Variants in GABRA5 observed in about 807,000 individuals in gnomAD.
The protein encoded by GABRA5 is gamma-aminobutyric acid receptor subunit alpha-5.
Under a neutral mutation model 47.3 loss-of-function variants are expected in GABRA5, and 18 were observed. The observed-to-expected ratio is 0.38, with a 90% CI of 0.26 to 0.56. The LOEUF (loss-of-function observed/expected upper bound fraction) is 0.56, where lower values mean the gene tolerates loss of function less well. Ranked by LOEUF, GABRA5 falls within the 20% of genes least tolerant of loss-of-function variation. The probability of loss-of-function intolerance (pLI) is 0.71; values close to 1 mark genes in which losing one functional copy is unlikely to be tolerated. For missense variants in GABRA5, 365 were observed against 599.3 expected, an observed-to-expected ratio of 0.61 and a Z score of 4.08; for synonymous variants, 237 against 229.3, an observed-to-expected ratio of 1.03 and a Z score of -0.30.
intron 8 of GABRA5, among the ~76,000 whole-genome samples, chr15:26,938,530 G>A (rs1245998357): frequency 3.3e-5 from 5 of 152,112 alleles, no homozygotes; most frequent in Admixed American, 1.3e-4. Flanking sequence ...AAGAACTACC[G>A]CCAAAATAAT....
chr15:26,915,230 C>T (rs1380795042), intron 7 of GABRA5, among the ~76,000 whole-genome samples: 1 of 152,140 alleles, frequency 6.6e-6, no homozygotes, highest in Non-Finnish European at 1.5e-5. Flanking sequence ...TCAAAGGTGA[C>T]CAGTGCCCAG....
chr15:26,939,946 C>G lies in GABRA5; in HGVS notation c.746C>G (p.Ala249Gly). 6.2e-7 allele frequency: 1 copy of G among 1,613,980 alleles called. No homozygotes were observed. The highest frequency in any genetic ancestry group is 8.5e-7 in the Non-Finnish European group (1 of 1,179,890). Reference protein sequence around the residue: ...TSTGEYTIMTAHFHLKRKIGY... With the variant: ...TSTGEYTIMTGHFHLKRKIGY... ...GCAGGCGAATACACAATCATGACAG[C>G]TCACTTCCACCTGAAAAGGAAGATT... Residue 249 changes from alanine (A) to glycine (G), a missense_variant, in exon 9 of 11, where the codon GCT (alanine) becomes GGT (glycine). Ala to Gly is a moderately conservative substitution (Grantham distance 60, BLOSUM62 0). Around this residue, in one of 3 missense-constraint regions of GABRA5, gnomAD observed 216 missense variants for 335.3 expected, o/e 0.64. Coordinates refer to ENST00000335625, the MANE Select transcript of GABRA5 (RefSeq NM_000810.4).
chr15:26,877,687 T>C, intron 3 of GABRA5: 1 of 455,546 alleles, frequency 2.2e-6, no homozygotes, highest in Non-Finnish European at 4.4e-6. Flanking sequence ...CCACAACTTG[T>C]ACTCTTTCAA....
chr15:26,927,105 T>A (rs1235506785), intron 7 of GABRA5, among the ~76,000 whole-genome samples: 1 of 147,634 alleles, frequency 6.8e-6, no homozygotes, highest in Non-Finnish European at 1.5e-5. Flanking sequence ...CTGCCTGCTA[T>A]TTTTTTTTTC....
chr15:26,905,802 T>G (rs1041229284), intron 6 of GABRA5, among the ~76,000 whole-genome samples: 8 of 152,076 alleles, frequency 5.3e-5, no homozygotes, highest in African/African-American at 1.9e-4. Context: ...CTTCAGTTGT[T>G]GTTTTTTTTC....
At chr15:26,894,217 G>A (rs1364399715) in intron 6 of GABRA5, among the ~76,000 whole-genome samples, 1 of 152,190 alleles carries the variant, frequency 6.6e-6, no homozygotes, top group East Asian at 1.9e-4. Context: ...CCTTCTGGGA[G>A]GGATGCGTAT....
At chr15:26,881,074 C>T (rs1892718626) in intron 4 of GABRA5, 107 bp downstream of exon 4, 6 of 1,299,446 alleles carry the variant, frequency 4.6e-6, no homozygotes, top group Non-Finnish European at 6.2e-6. Context: ...AAGAGCTTCC[C>T]TGCCAGGATT....
At chr15:26,916,974 GT>G (rs1893730655) in intron 7 of GABRA5, among the ~76,000 whole-genome samples, 2 of 152,040 alleles carry the variant, frequency 1.3e-5, no homozygotes, top group Admixed American at 1.3e-4. Context: ...TTTTGGTGGA[GT>G]TTTTTGGGTT....
At chr15:26,947,611 A>G (rs1226835736) in intron 10 of GABRA5, among the ~76,000 whole-genome samples, 8 of 152,140 alleles carry the variant, frequency 5.3e-5, no homozygotes, top group Admixed American at 6.5e-5. Flanking sequence ...CCAGTCTGTC[A>G]TTGATGGGCA....
chr15:26,944,970 A>G (rs1024745889), intron 10 of GABRA5, among the ~76,000 whole-genome samples: 4 of 152,160 alleles, frequency 2.6e-5, no homozygotes, highest in Non-Finnish European at 5.9e-5. Context: ...GACACTGTCA[A>G]TCACCATGTC....
At chr15:26,908,977 T>C (rs1418756676) in intron 6 of GABRA5, among the ~76,000 whole-genome samples, 1 of 152,250 alleles carries the variant, frequency 6.6e-6, no homozygotes, top group Non-Finnish European at 1.5e-5. Context: ...GTCATTAGAC[T>C]TGTATGAGCT....
At chr15:26,912,779 A>G (rs998306527) in intron 6 of GABRA5, among the ~76,000 whole-genome samples, 3 of 152,210 alleles carry the variant, frequency 2.0e-5, no homozygotes, top group East Asian at 1.9e-4. Context: ...AAGAAAATAT[A>G]TGTACATGTA....
intron 6 of GABRA5, among the ~76,000 whole-genome samples, chr15:26,911,378 C>CAA (rs778074187): frequency 1.5e-5 from 2 of 133,088 alleles, no homozygotes; most frequent in East Asian, 5.4e-4. Flanking sequence ...CATGCACACA[C>CAA]ACACACACAC....
chr15:26,895,693 A>G (rs1198880261), intron 6 of GABRA5, among the ~76,000 whole-genome samples: 1 of 151,816 alleles, frequency 6.6e-6, no homozygotes, highest in Non-Finnish European at 1.5e-5. Flanking sequence ...CTCGCCTGTA[A>G]TCCCAGCTAC....
intron 10 of GABRA5, among the ~76,000 whole-genome samples, chr15:26,944,348 A>T (rs1894461075): frequency 6.6e-6 from 1 of 151,998 alleles, no homozygotes. Context: ...TTCTGGCCTG[A>T]CCTCGCCTGT....
At chr15:26,887,442 G>T (rs2140261876) in intron 6 of GABRA5, among the ~76,000 whole-genome samples, 1 of 152,208 alleles carries the variant, frequency 6.6e-6, no homozygotes, top group East Asian at 1.9e-4. Context: ...TGATTCTCCT[G>T]CCTCAGCCTC....
intron 6 of GABRA5, among the ~76,000 whole-genome samples, chr15:26,910,821 C>T (rs945469875): frequency 3.3e-5 from 5 of 151,904 alleles, no homozygotes; most frequent in East Asian, 1.9e-4. Context: ...TTTTCTTTAT[C>T]GAAAAAGTGA....
chr15:26,883,642 G>T lies in GABRA5; in HGVS notation c.497+85G>T. 9.0e-7 allele frequency: 1 copy of T among 1,113,700 alleles called. No individual in the cohort carries two copies. 69.0% of individuals were successfully genotyped at this position (1,113,700 alleles called of 1,614,324 possible). A position where few individuals can be genotyped will look rare whatever the true frequency, so the allele number is the denominator to read the frequency against. Reference sequence around the variant, plus strand: ...CATCCTGCCGCAAGAGCTGCGCCGCGGAGCTGTTCTGACCATAGGTCTGAG... The same window carrying T: ...CATCCTGCCGCAAGAGCTGCGCCGCTGAGCTGTTCTGACCATAGGTCTGAG... On this transcript the variant is annotated intron_variant, in intron 6 of 10. Transcript: ENST00000335625. The surrounding 1 kb of genome is among the most constrained non-coding windows in gnomAD (Gnocchi z 4.8).
intron 6 of GABRA5, among the ~76,000 whole-genome samples, chr15:26,908,863 G>T (rs1030168925): frequency 6.6e-6 from 1 of 152,176 alleles, no homozygotes; most frequent in African/African-American, 2.4e-5. Flanking sequence ...TGAACATGAT[G>T]TGAGCTACTT....
Sources: allele counts gnomAD v4.1 joint callset (sites outside exome capture counted in the v4.1 genomes callset), GRCh38; gene constraint gnomAD v4.1.1; regional missense constraint gnomAD v4.1.1; non-coding constraint Gnocchi (gnomAD v3.1); transcripts MANE v1.5; gene names NCBI Gene and HGNC (gene_info 2026-07-23, HGNC 2026-07-21).